Variants in RNF146 observed in about 807,000 individuals in gnomAD.
RNF146 encodes E3 ubiquitin-protein ligase RNF146.
A neutral mutation model predicts 29.7 loss-of-function variants in RNF146; 11 were observed. The observed-to-expected ratio is 0.37, with a 90% CI of 0.23 to 0.61. The LOEUF is 0.61. RNF146 is among the 20% of genes least tolerant of loss of function. The pLI is 0.66. For synonymous variants in RNF146, 150 were observed against 159.7 expected (o/e 0.94, Z 0.46); for missense variants, 342 against 438.9 (o/e 0.78, Z 1.97).
intron 1 of RNF146, among the ~76,000 whole-genome samples, chr6:127,277,067 G>A (rs2114462384): frequency 6.6e-6 from 1 of 152,220 alleles, no homozygotes; most frequent in South Asian, 2.1e-4. Context: ...TAAATAGGCT[G>A]ATAGTCATGT....
chr6:127,273,306 A>G (rs1016570908), intron 1 of RNF146, among the ~76,000 whole-genome samples: 14 of 152,226 alleles, frequency 9.2e-5, no homozygotes, highest in Admixed American at 3.9e-4. Flanking sequence ...TTATACAGCT[A>G]TGATTCATAC....
At chr6:127,271,436 G>T (rs1777485304) in intron 1 of RNF146, among the ~76,000 whole-genome samples, 1 of 152,142 alleles carries the variant, frequency 6.6e-6, no homozygotes, top group Non-Finnish European at 1.5e-5. Flanking sequence ...AGAATATGCA[G>T]TTTTCTTTTT....
chr6:127,284,470 T>C, intron 2 of RNF146, among the ~76,000 whole-genome samples: 1 of 151,826 alleles, frequency 6.6e-6, no homozygotes, highest in East Asian at 1.9e-4. Context: ...TTTTCTTAAT[T>C]GGAGCTTTAA....
intron 2 of RNF146, among the ~76,000 whole-genome samples, chr6:127,283,771 C>T (rs1779189429): frequency 6.6e-6 from 1 of 151,752 alleles, no homozygotes. Context: ...TTATAAATTG[C>T]TATGGCAAAT....
Position 127,276,183 on chromosome 6 carries a change from A to G in RNF146, c.-108-4048A>G, listed in dbSNP as rs191570412. On this transcript the variant is annotated intron_variant, in intron 1 of 2. Coordinates refer to ENST00000368314, the MANE Select transcript of RNF146 (RefSeq NM_001242850.2). ...ATGTGTGTGTGTGTGAGAGAGTGAG[A>G]GAGAGAGAATCTCACTCAAAGGCTT... Among the ~76,000 whole-genome samples, 304 of 152,046 alleles carry G rather than the reference A, an allele frequency of 2.0e-3. 2 individuals carry two copies. Among genetic ancestry groups the G allele is most frequent in the Non-Finnish European group, 1.7e-3 (113 of 67,950 alleles).
chr6:127,280,292 A>G lies in RNF146; in HGVS notation c.-47A>G, dbSNP rs1376784828. ...GTAAGCTGGCTGACTGCTGGTGAAG[A>G]AAATGCTTTATTTTTGTGGCAGGCA... On this transcript the variant is annotated 5_prime_UTR_variant, in exon 2 of 3. Coordinates refer to ENST00000368314, the MANE Select transcript of RNF146 (RefSeq NM_001242850.2). 7.8e-6 allele frequency: 12 copies of G among 1,545,714 alleles called. No individual in the cohort carries two copies. Among genetic ancestry groups the G allele is most frequent in the Non-Finnish European group, 1.0e-5 (12 of 1,143,362 alleles).
intron 1 of RNF146, among the ~76,000 whole-genome samples, chr6:127,278,645 A>G (rs1342762938): frequency 6.6e-6 from 1 of 152,000 alleles, no homozygotes; most frequent in African/African-American, 2.4e-5. Context: ...ATTGGCATAC[A>G]AGTGTCTGAG....
In RNF146 at chr6:127,286,696, C is replaced by T. The variant is rs1441423478; in HGVS notation, c.83C>T (p.Thr28Ile). The T allele has an allele frequency of 1.2e-6, 2 of 1,613,262 alleles. No homozygotes were observed. The highest frequency in any genetic ancestry group is 1.7e-6 in the Non-Finnish European group (2 of 1,179,584). The change falls in exon 3 of 3, where the codon ACT (threonine) becomes ATT (isoleucine). Residue 28 changes from threonine (T) to isoleucine (I), a missense_variant. Thr to Ile is a moderately conservative substitution (Grantham distance 89, BLOSUM62 -1). Around this residue, in one of 6 missense-constraint regions of RNF146, gnomAD observed 39 missense variants for 43.1 expected, o/e 0.90. Transcript: ENST00000368314. This position sits in a 1 kb window ranked among gnomAD's most constrained non-coding sequence, Gnocchi z 4.6. ...NRKANESCSNTAPSLTVPECA... is the reference protein window; with the variant it reads ...NRKANESCSNIAPSLTVPECA... ...AAAGCGAACGAGTCCTGTTCTAATACTGCACCTTCTTTAACCGTCCCTGAA... is the reference window on the plus strand; with the variant it reads ...AAAGCGAACGAGTCCTGTTCTAATATTGCACCTTCTTTAACCGTCCCTGAA...
Position 127,286,874 on chromosome 6 carries a change from C to T in RNF146, c.261C>T (p.Thr87=). 1 of 1,613,220 alleles carries T rather than the reference C, an allele frequency of 6.2e-7. No homozygotes were observed. The highest frequency in any genetic ancestry group is 8.5e-7 in the Non-Finnish European group (1 of 1,179,590). The change falls in exon 3 of 3, where the codon ACC becomes ACT. Residue 87 remains threonine (T), a synonymous_variant. Coordinates refer to ENST00000368314, the MANE Select transcript of RNF146 (RefSeq NM_001242850.2). The surrounding 1 kb of genome is among the most constrained non-coding windows in gnomAD (Gnocchi z 4.6). ...CCGAGGATTTCCTTGACAAGCCAACCTTGTTGTCACCAGAAGAACTCAAGG... is the reference window on the plus strand; with the variant it reads ...CCGAGGATTTCCTTGACAAGCCAACTTTGTTGTCACCAGAAGAACTCAAGG... ...EIPEDFLDKP[T]LLSPEELKAA... is the part of the protein sequence containing the mutation.
chr6:127,279,564 G>T (rs541088953), intron 1 of RNF146, among the ~76,000 whole-genome samples: 1 of 151,714 alleles, frequency 6.6e-6, no homozygotes, highest in Admixed American at 6.6e-5. Context: ...GATTGTTTGG[G>T]TTACTTAGGG....
intron 2 of RNF146, among the ~76,000 whole-genome samples, chr6:127,281,227 A>G (rs973798897): frequency 1.3e-5 from 2 of 151,888 alleles, no homozygotes; most frequent in Middle Eastern, 3.4e-3. Flanking sequence ...AAATTTGATA[A>G]TTGAAAAATG....
intron 2 of RNF146, among the ~76,000 whole-genome samples, chr6:127,284,407 A>C (rs1228238945): frequency 4.6e-5 from 7 of 151,894 alleles, no homozygotes; most frequent in African/African-American, 9.7e-5. Context: ...TAGAATCATG[A>C]GTAGAATCTT....
intron 1 of RNF146, among the ~76,000 whole-genome samples, chr6:127,276,512 A>G (rs1276953011): frequency 1.3e-5 from 2 of 152,018 alleles, no homozygotes; most frequent in East Asian, 3.9e-4. Context: ...ATGTGTGTAT[A>G]TGAGATAAAG....
chr6:127,283,446 T>G (rs184217498), intron 2 of RNF146, among the ~76,000 whole-genome samples: 63 of 151,916 alleles, frequency 4.1e-4, no homozygotes, highest in African/African-American at 1.4e-3. Context: ...GGGGAAAAGC[T>G]TTCTTATTTA....
In RNF146 at chr6:127,287,460, A is replaced by G; in HGVS notation, c.847A>G (p.Thr283Ala). 6.2e-7 allele frequency: 1 copy of G among 1,613,362 alleles called. No individual in the cohort carries two copies. The highest frequency in any genetic ancestry group is 8.5e-7 in the Non-Finnish European group (1 of 1,179,614). Residue 283 changes from threonine to alanine, a missense_variant, in exon 3 of 3, where the codon ACC becomes GCC. By Grantham distance (58) the Thr-to-Ala change is moderately conservative. Transcript: ENST00000368314. Reference sequence around the variant, plus strand: ...TTCAGGCAGGGTACCAGCACCAGACACCTCCATTGAAGAAACTGAATCAGA... The same window carrying G: ...TTCAGGCAGGGTACCAGCACCAGACGCCTCCATTGAAGAAACTGAATCAGA... ...PSSGRVPAPD[T>A]SIEETESDAS... is the part of the protein sequence containing the mutation.
At chr6:127,280,412 G>T in intron 2 of RNF146, 72 bp downstream of exon 2, 1 of 1,504,712 alleles carries the variant, frequency 6.6e-7, no homozygotes, top group South Asian at 1.2e-5. Flanking sequence ...GTGGTAAATT[G>T]AGTATCTGTC....
intron 2 of RNF146, chr6:127,285,928 G>C (rs1779459795): frequency 1.6e-6 from 1 of 632,216 alleles, no homozygotes; most frequent in Non-Finnish European, 2.2e-6. Context: ...ATTGTATCTG[G>C]AACATGGCAG....
chr6:127,271,431 A>AT (rs1425193879), intron 1 of RNF146, among the ~76,000 whole-genome samples: 1 of 152,222 alleles, frequency 6.6e-6, no homozygotes, highest in African/African-American at 2.4e-5. Flanking sequence ...ATAACAGAAT[A>AT]TGCAGTTTTC....
intron 1 of RNF146, among the ~76,000 whole-genome samples, chr6:127,270,449 T>C (rs1777305827): frequency 6.6e-6 from 1 of 152,220 alleles, no homozygotes; most frequent in Non-Finnish European, 1.5e-5. Context: ...GCAAATTAAT[T>C]CTGGCCTGTA....
Sources: allele counts gnomAD v4.1 joint callset (sites outside exome capture counted in the v4.1 genomes callset), GRCh38; gene constraint gnomAD v4.1.1; regional missense constraint gnomAD v4.1.1; non-coding constraint Gnocchi (gnomAD v3.1); transcripts MANE v1.5; gene names NCBI Gene and HGNC (gene_info 2026-07-23, HGNC 2026-07-21).